EXOC4: variants seen among roughly 807,000 people sequenced by gnomAD.
EXOC4 encodes SEC8-like 1.
In EXOC4, 71 loss-of-function variants were observed where a neutral mutation model predicts 107.2. The ratio of observed to expected loss-of-function variants is 0.66; its 90% confidence interval spans 0.55 to 0.81. The LOEUF (loss-of-function observed/expected upper bound fraction) is 0.81, where lower values mean the gene tolerates loss of function less well. EXOC4 is among the 30% of genes least tolerant of loss of function. The probability of loss-of-function intolerance (pLI) is 0.00; values close to 1 mark genes in which losing one functional copy is unlikely to be tolerated. For synonymous variants in EXOC4, 456 were observed against 441.2 expected, an observed-to-expected ratio of 1.03 and a Z score of -0.42; for missense variants, 1,108 against 1,189.6, an observed-to-expected ratio of 0.93 and a Z score of 1.01.
intron 12 of EXOC4, among the ~76,000 whole-genome samples, chr7:133,901,770 G>A (rs1212936045): frequency 6.6e-6 from 1 of 152,120 alleles, no homozygotes; most frequent in Non-Finnish European, 1.5e-5. Context: ...AGATTGATCA[G>A]GTTTCTTGCT....
intron 6 of EXOC4, among the ~76,000 whole-genome samples, chr7:133,361,053 C>T (rs1796124840): frequency 6.6e-6 from 1 of 152,060 alleles, no homozygotes; most frequent in Non-Finnish European, 1.5e-5. Context: ...CCCACCTGAC[C>T]CATAATAAAT....
intron 9 of EXOC4, among the ~76,000 whole-genome samples, chr7:133,567,664 A>G (rs1187711110): frequency 6.6e-6 from 1 of 152,214 alleles, no homozygotes; most frequent in Non-Finnish European, 1.5e-5. Flanking sequence ...ATAAAGAACA[A>G]AAGCATATTT....
At chr7:133,320,950 A>T (rs918705329) in intron 5 of EXOC4, among the ~76,000 whole-genome samples, 10 of 152,230 alleles carry the variant, frequency 6.6e-5, no homozygotes, top group Non-Finnish European at 1.5e-4. Flanking sequence ...AAGTCCTAAG[A>T]GTCTATTTGT....
chr7:133,437,518 G>A (rs908747939), intron 7 of EXOC4, among the ~76,000 whole-genome samples: 2 of 152,168 alleles, frequency 1.3e-5, no homozygotes, highest in African/African-American at 4.8e-5. Flanking sequence ...ACATCTGGAT[G>A]GGAAAACAGT....
intron 5 of EXOC4, 23 bp downstream of exon 5, chr7:133,317,413 A>T (rs984606410): frequency 6.7e-7 from 1 of 1,498,042 alleles, no homozygotes; most frequent in African/African-American, 1.4e-5. Context: ...TTCTTCAGCC[A>T]CTAAGCTTTT....
At chr7:133,791,914 AC>A (rs1796710247) in intron 10 of EXOC4, among the ~76,000 whole-genome samples, 1 of 152,130 alleles carries the variant, frequency 6.6e-6, no homozygotes, top group Non-Finnish European at 1.5e-5. Flanking sequence ...GTTACTTCTC[AC>A]TTTTATTCTT....
At chr7:134,078,718 AATGCTGTTAATTC>A in the EXOC4 span, among the ~76,000 whole-genome samples, 15 of 152,356 alleles carry the variant, frequency 9.8e-5, 1 homozygote, top group African/African-American at 3.6e-4. Flanking sequence ...ATAACACTTA[AATGCTGTTAATTC>A]AGCTAGCTTT....
At chr7:133,753,583 G>A (rs933109914) in intron 10 of EXOC4, among the ~76,000 whole-genome samples, 4 of 152,214 alleles carry the variant, frequency 2.6e-5, no homozygotes, top group African/African-American at 9.7e-5. Context: ...AGAAGAGCTC[G>A]ATGAATGTTA....
intron 4 of EXOC4, among the ~76,000 whole-genome samples, chr7:133,308,096 G>T (rs377569439): frequency 1.3e-5 from 2 of 152,190 alleles, no homozygotes; most frequent in African/African-American, 4.8e-5. Flanking sequence ...AATCACTGAT[G>T]TGGAGGGAAA....
At chr7:133,447,024 A>G (rs983149261) in intron 7 of EXOC4, among the ~76,000 whole-genome samples, 6 of 152,178 alleles carry the variant, frequency 3.9e-5, no homozygotes, top group African/African-American at 1.4e-4. Flanking sequence ...ACTCAGGAAC[A>G]TTTTGGTTGG....
intron 1 of EXOC4, chr7:133,253,667 T>C: frequency 4.1e-6 from 1 of 246,624 alleles, no homozygotes; most frequent in South Asian, 1.5e-4. Flanking sequence ...CACCTGTGCG[T>C]GGCCACAGCC....
chr7:133,331,717 G>A (rs1321805092), intron 5 of EXOC4, among the ~76,000 whole-genome samples: 1 of 151,928 alleles, frequency 6.6e-6, no homozygotes, highest in Non-Finnish European at 1.5e-5. Context: ...CGCCCGCCTC[G>A]GCCTCCCAAA....
chr7:133,345,670 T>C (rs1338039758), intron 5 of EXOC4, among the ~76,000 whole-genome samples: 3 of 152,180 alleles, frequency 2.0e-5, no homozygotes, highest in Admixed American at 2.0e-4. Context: ...TTACTCTATC[T>C]CCCCTTATAG....
intron 10 of EXOC4, among the ~76,000 whole-genome samples, chr7:133,776,050 A>G (rs934355016): frequency 2.0e-5 from 3 of 152,204 alleles, no homozygotes; most frequent in Non-Finnish European, 2.9e-5. Context: ...TCTTAAAGAA[A>G]TAAAGCAAAA....
intron 14 of EXOC4, among the ~76,000 whole-genome samples, chr7:133,944,862 T>A (rs902754155): frequency 2.6e-5 from 4 of 152,174 alleles, no homozygotes; most frequent in Admixed American, 2.6e-4. Context: ...AAACATCCCT[T>A]AATAAATGTA....
chr7:133,386,187 C>CA (rs1796722383), intron 7 of EXOC4, among the ~76,000 whole-genome samples: 1 of 152,166 alleles, frequency 6.6e-6, no homozygotes, highest in African/African-American at 2.4e-5. Context: ...TAAGCCTTTG[C>CA]ATTACCCTAT....
chr7:133,759,044 A>AT (rs1795978359), intron 10 of EXOC4, among the ~76,000 whole-genome samples: 1 of 152,076 alleles, frequency 6.6e-6, no homozygotes, highest in South Asian at 2.1e-4. Context: ...AATGTGATGA[A>AT]TTTTTTTGGA....
intron 12 of EXOC4, among the ~76,000 whole-genome samples, chr7:133,899,280 T>C (rs1252990986): frequency 6.6e-6 from 1 of 152,194 alleles, no homozygotes; most frequent in Non-Finnish European, 1.5e-5. Context: ...GTTTATATTG[T>C]ATTATTGATG....
chr7:133,553,121 TA>T (rs1473545076), intron 9 of EXOC4, among the ~76,000 whole-genome samples: 1 of 152,114 alleles, frequency 6.6e-6, no homozygotes, highest in Non-Finnish European at 1.5e-5. Flanking sequence ...AAGGTAGGGG[TA>T]GTATTATATA....
Sources: allele counts gnomAD v4.1 joint callset (sites outside exome capture counted in the v4.1 genomes callset), GRCh38; gene constraint gnomAD v4.1.1; transcripts MANE v1.5; gene names NCBI Gene and HGNC (gene_info 2026-07-23, HGNC 2026-07-21).